The following SMYD3 variants were observed in gnomAD, a reference collection of about 807,000 sequenced individuals.
The protein encoded by SMYD3 is SET and MYND domain containing 3, also known as histone-lysine N-methyltransferase SMYD3.
SMYD3 carries 36 observed loss-of-function variants against 57.7 expected under a neutral mutation model. The observed-to-expected ratio is 0.62, with a 90% CI of 0.48 to 0.82. The LOEUF (loss-of-function observed/expected upper bound fraction) is 0.82, where lower values mean the gene tolerates loss of function less well. SMYD3 is among the 40% of genes least tolerant of loss of function. The probability of loss-of-function intolerance (pLI) is 0.00; values close to 1 mark genes in which losing one functional copy is unlikely to be tolerated. For missense variants in SMYD3, 515 were observed against 538.8 expected, an observed-to-expected ratio of 0.96 and a Z score of 0.44; for synonymous variants, 211 against 195.0, an observed-to-expected ratio of 1.08 and a Z score of -0.68.
intron 5 of SMYD3, among the ~76,000 whole-genome samples, chr1:246,012,428 T>G (rs1458151167): frequency 6.6e-6 from 1 of 152,188 alleles, no homozygotes; most frequent in African/African-American, 2.4e-5. Context: ...CAACAGAACT[T>G]GTAGCAATTC....
intron 5 of SMYD3, among the ~76,000 whole-genome samples, chr1:246,232,909 T>C (rs1442721276): frequency 2.7e-5 from 3 of 113,030 alleles, no homozygotes; most frequent in African/African-American, 7.5e-5. Flanking sequence ...GAAGCACTCC[T>C]CAATTCACAC....
rs530433007 is a variant in SMYD3 at position 245,853,510 on chromosome 1, C to T, written c.1076+4986G>A. Among the ~76,000 whole-genome samples the T allele has an allele frequency of 1.1e-4, 16 of 152,218 alleles. No homozygotes were observed. The South Asian group carries it at 2.7e-3, about 26-fold the overall frequency. On this transcript the variant is annotated intron_variant, in intron 10 of 11. Coordinates refer to ENST00000490107, the MANE Select transcript of SMYD3 (RefSeq NM_001167740.2). ...GCAGGCCCAAAGCAAGCGCTGGGCG[C>T]GTGGCTGCACCAAACGTGCGCTCAG...
At chr1:246,335,545 T>A in intron 2 of SMYD3, 71 bp from the exon 3 acceptor site, 2 of 1,179,302 alleles carry the variant, frequency 1.7e-6, no homozygotes, top group South Asian at 2.5e-5. Flanking sequence ...GTTTTGAACA[T>A]CAAGAGTCAT....
At chr1:246,053,053 A>G (rs1232012773) in intron 5 of SMYD3, 1 of 152,442 alleles carries the variant, frequency 6.6e-6, no homozygotes, top group Non-Finnish European at 1.5e-5. Flanking sequence ...TCTGGGCAAC[A>G]TGGCAAGACT....
chr1:246,281,859 C>A (rs951069451), intron 5 of SMYD3, among the ~76,000 whole-genome samples: 1 of 152,070 alleles, frequency 6.6e-6, no homozygotes, highest in Non-Finnish European at 1.5e-5. Flanking sequence ...GTCAATACAG[C>A]TCATACTACC....
chr1:245,775,027 G>T (rs1293772718), intron 10 of SMYD3, among the ~76,000 whole-genome samples: 2 of 152,238 alleles, frequency 1.3e-5, no homozygotes, highest in South Asian at 2.1e-4. Context: ...AGGCTGGAGT[G>T]CAGTGGCGTG....
At chr1:246,085,612 C>G (rs192397955) in intron 5 of SMYD3, among the ~76,000 whole-genome samples, 13 of 152,292 alleles carry the variant, frequency 8.5e-5, no homozygotes, top group Admixed American at 6.5e-4. Flanking sequence ...TTATAACATT[C>G]AGCTCATCCC....
intron 1 of SMYD3, among the ~76,000 whole-genome samples, chr1:246,462,802 T>C (rs1425918856): frequency 6.6e-6 from 1 of 152,134 alleles, no homozygotes; most frequent in Non-Finnish European, 1.5e-5. Context: ...AGAAACATTT[T>C]AGGTCGAAAT....
intron 1 of SMYD3, among the ~76,000 whole-genome samples, chr1:246,475,123 C>T (rs1369599690): frequency 1.3e-5 from 2 of 151,822 alleles, no homozygotes; most frequent in Non-Finnish European, 2.9e-5. Context: ...TCGTGACCAC[C>T]CTGACCAACA....
At chr1:246,182,163 A>T (rs1457433352) in intron 5 of SMYD3, among the ~76,000 whole-genome samples, 1 of 152,212 alleles carries the variant, frequency 6.6e-6, no homozygotes, top group Non-Finnish European at 1.5e-5. Flanking sequence ...AATCCAGCAC[A>T]TTAAAGAGAG....
At chr1:246,162,988 G>A (rs921396033) in intron 5 of SMYD3, among the ~76,000 whole-genome samples, 2 of 152,114 alleles carry the variant, frequency 1.3e-5, no homozygotes, top group African/African-American at 4.8e-5. Context: ...ACCTTCATCT[G>A]TATTGTTAAC....
At chr1:246,182,954 T>C (rs1047087219) in intron 5 of SMYD3, among the ~76,000 whole-genome samples, 3 of 152,196 alleles carry the variant, frequency 2.0e-5, no homozygotes, top group Non-Finnish European at 4.4e-5. Flanking sequence ...TGAGCATACT[T>C]AACATAGAGA....
At chr1:245,893,321 A>G (rs2053512640) in intron 8 of SMYD3, among the ~76,000 whole-genome samples, 1 of 152,228 alleles carries the variant, frequency 6.6e-6, no homozygotes, top group African/African-American at 2.4e-5. Context: ...TATAAAGTTA[A>G]ACATATATTT....
chr1:246,336,936 A>G (rs2065553245), intron 2 of SMYD3, among the ~76,000 whole-genome samples: 1 of 152,274 alleles, frequency 6.6e-6, no homozygotes, highest in Non-Finnish European at 1.5e-5. Flanking sequence ...GACAGAAAGT[A>G]AAAACATACA....
At chr1:246,177,359 CATT>C (rs2062451545) in intron 5 of SMYD3, among the ~76,000 whole-genome samples, 1 of 152,152 alleles carries the variant, frequency 6.6e-6, no homozygotes, top group African/African-American at 2.4e-5. Flanking sequence ...TTTAACAACT[CATT>C]ATTATTTAAG....
Position 246,122,572 on chromosome 1 carries a change from T to C in SMYD3, c.532-192635A>G, listed in dbSNP as rs140760664. ...ATGATTCACTAAATATTAATCCCAT[T>C]ACATGCTAATGAAATATCCCTAGTT... On this transcript the variant is annotated intron_variant, in intron 5 of 11. Coordinates refer to ENST00000490107, the MANE Select transcript of SMYD3 (RefSeq NM_001167740.2). Among the ~76,000 whole-genome samples, 577 of 152,348 alleles carry C rather than the reference T, an allele frequency of 3.8e-3. 6 individuals are homozygous for C. Among genetic ancestry groups the C allele is most frequent in the African/African-American group, 0.013 (538 of 41,578 alleles).
intron 2 of SMYD3, among the ~76,000 whole-genome samples, chr1:246,336,971 G>A (rs1214349702): frequency 6.6e-6 from 1 of 152,140 alleles, no homozygotes; most frequent in East Asian, 1.9e-4. Context: ...TAAATCACAG[G>A]AGGGATTTAT....
chr1:246,164,570 A>G lies in SMYD3; in HGVS notation c.531+162631T>C, dbSNP rs113239804. On this transcript the variant is annotated intron_variant, in intron 5 of 11. Coordinates refer to ENST00000490107, the MANE Select transcript of SMYD3 (RefSeq NM_001167740.2). Reference sequence around the variant, plus strand: ...ATGCTTACATCTTTCCTCTTCCTACAACACATGGACGGGGGCATGTGAGTA... The same window carrying G: ...ATGCTTACATCTTTCCTCTTCCTACGACACATGGACGGGGGCATGTGAGTA... Among the ~76,000 whole-genome samples the G allele has an allele frequency of 1.6e-3, 244 of 152,332 alleles. 1 individual carries two copies. Among genetic ancestry groups the G allele is most frequent in the African/African-American group, 5.4e-3 (226 of 41,580 alleles).
intron 5 of SMYD3, among the ~76,000 whole-genome samples, chr1:246,277,464 C>A (rs1017332869): frequency 6.6e-6 from 1 of 152,132 alleles, no homozygotes; most frequent in African/African-American, 2.4e-5. Flanking sequence ...GCAAACACCA[C>A]CACCACCACC....
Sources: allele counts gnomAD v4.1 joint callset (sites outside exome capture counted in the v4.1 genomes callset), GRCh38; gene constraint gnomAD v4.1.1; transcripts MANE v1.5; gene names NCBI Gene and HGNC (gene_info 2026-07-23, HGNC 2026-07-21).